TFEC: variants seen among roughly 807,000 people sequenced by gnomAD.
TFEC encodes the protein class E basic helix-loop-helix protein 34.
In TFEC, 31 loss-of-function variants were observed where a neutral mutation model predicts 41.6. That is an observed-to-expected ratio of 0.74 (90% CI 0.56 to 1.01). The LOEUF is 1.01. Ranked by LOEUF, TFEC falls within the 50% of genes least tolerant of loss-of-function variation. The pLI, the probability that TFEC is intolerant of heterozygous loss-of-function variation, is 0.00. For missense variants in TFEC, 402 were observed against 404.1 expected (o/e 0.99, Z 0.04); for synonymous variants, 143 against 140.6 (o/e 1.02, Z -0.12).
At chr7:115,968,428 T>G in intron 3 of TFEC, 1 of 752,410 alleles carries the variant, frequency 1.3e-6, no homozygotes, top group Admixed American at 3.5e-5. Flanking sequence ...CACAGGGGGT[T>G]GTTAATATTT....
intron 3 of TFEC, among the ~76,000 whole-genome samples, chr7:115,972,568 A>G (rs1026393188): frequency 1.3e-5 from 2 of 152,114 alleles, no homozygotes; most frequent in African/African-American, 4.8e-5. Flanking sequence ...TTGTGTGAAT[A>G]TTATGCTTTA....
intron 1 of TFEC, among the ~76,000 whole-genome samples, chr7:116,024,628 A>C (rs772370666): frequency 9.2e-5 from 14 of 152,308 alleles, no homozygotes; most frequent in Admixed American, 6.5e-4. Context: ...AAAGAAGAGG[A>C]GAATATTTCA....
chr7:116,006,588 G>T (rs1318456249), intron 1 of TFEC, among the ~76,000 whole-genome samples: 1 of 152,138 alleles, frequency 6.6e-6, no homozygotes, highest in African/African-American at 2.4e-5. Context: ...TGATTTTACA[G>T]GCTCATAGGC....
At chr7:116,078,541 G>A (rs1797013327) in intron 3 of TFEC, among the ~76,000 whole-genome samples, 1 of 151,874 alleles carries the variant, frequency 6.6e-6, no homozygotes, top group African/African-American at 2.4e-5. Flanking sequence ...GATTATTCAA[G>A]GCTACTATGA....
At chr7:115,998,779 T>A (rs770776941) in intron 1 of TFEC, among the ~76,000 whole-genome samples, 4 of 151,910 alleles carry the variant, frequency 2.6e-5, no homozygotes, top group Non-Finnish European at 4.4e-5. Flanking sequence ...TAAGAAGATA[T>A]AACAATTATA....
At chr7:116,158,450 A>G (rs1359817040) in intron 1 of TFEC, among the ~76,000 whole-genome samples, 5 of 152,146 alleles carry the variant, frequency 3.3e-5, no homozygotes, top group African/African-American at 1.2e-4. Context: ...TCTTCTTGTC[A>G]GCTTTACGTA....
At chr7:115,968,962 G>T (rs1428828196) in intron 3 of TFEC, among the ~76,000 whole-genome samples, 1 of 151,720 alleles carries the variant, frequency 6.6e-6, no homozygotes, top group Non-Finnish European at 1.5e-5. Flanking sequence ...AAAGTATTTT[G>T]CATAATTCTT....
chr7:115,986,409 T>A (rs1793857962), intron 1 of TFEC, among the ~76,000 whole-genome samples: 1 of 152,002 alleles, frequency 6.6e-6, no homozygotes, highest in Non-Finnish European at 1.5e-5. Context: ...GAGAAAGAAG[T>A]GGAATACAGA....
intron 3 of TFEC, among the ~76,000 whole-genome samples, chr7:116,057,627 T>A (rs1288037058): frequency 6.6e-6 from 1 of 151,886 alleles, no homozygotes; most frequent in South Asian, 2.1e-4. Flanking sequence ...TATTTAAGTA[T>A]CTCTAAAAGA....
intron 1 of TFEC, among the ~76,000 whole-genome samples, chr7:116,011,831 TA>T (rs1323644205): frequency 3.3e-5 from 5 of 152,222 alleles, no homozygotes; most frequent in African/African-American, 1.2e-4. Flanking sequence ...GCTAGTTGTT[TA>T]AAAGAGCTTG....
upstream of TFEC, among the ~76,000 whole-genome samples, chr7:116,033,288 T>C (rs772320093): frequency 2.6e-5 from 4 of 152,078 alleles, no homozygotes; most frequent in Non-Finnish European, 4.4e-5. Flanking sequence ...TCAGACTGAT[T>C]TGGTCTCAAC....
chr7:116,089,466 C>T (rs943033452), intron 3 of TFEC, among the ~76,000 whole-genome samples: 1 of 151,942 alleles, frequency 6.6e-6, no homozygotes, highest in East Asian at 1.9e-4. Context: ...TTGTATTGGC[C>T]GGAACAAGAG....
Position 115,984,157 on chromosome 7 carries a change from C to T in TFEC, c.180+105G>A, listed in dbSNP as rs73716895. 3.6e-3 allele frequency: 4,980 copies of T among 1,372,626 alleles called. 169 individuals carry two copies. In the African/African-American group the frequency reaches 0.065, roughly 18 times the overall value. 85.0% of individuals were successfully genotyped at this position (1,372,626 alleles called of 1,614,324 possible). ...AATTAAAAGCACATTTCTTTTGTTA[C>T]ATTTGCAATCAGAATGTTTACTGTA... On this transcript the variant is annotated intron_variant, in intron 2 of 7. Transcript: ENST00000265440.
chr7:115,944,161 A>G (rs564383622), intron 6 of TFEC, among the ~76,000 whole-genome samples: 2 of 150,632 alleles, frequency 1.3e-5, no homozygotes, highest in Non-Finnish European at 3.0e-5. Flanking sequence ...AAGATTAAGT[A>G]AAAAAACTTC....
intron 3 of TFEC, among the ~76,000 whole-genome samples, chr7:116,085,150 T>C (rs1797174970): frequency 6.6e-6 from 1 of 151,830 alleles, no homozygotes; most frequent in Admixed American, 6.6e-5. Context: ...CTTGCTGGGC[T>C]TGAGGAGCTG....
intron 2 of TFEC, among the ~76,000 whole-genome samples, chr7:115,980,002 T>C (rs1281205859): frequency 1.3e-5 from 2 of 152,182 alleles, no homozygotes; most frequent in Non-Finnish European, 2.9e-5. Flanking sequence ...GCTTTGATTA[T>C]GATACTTTTG....
chr7:116,103,466 G>A (rs1797648426), intron 3 of TFEC, among the ~76,000 whole-genome samples: 1 of 152,150 alleles, frequency 6.6e-6, no homozygotes, highest in African/African-American at 2.4e-5. Flanking sequence ...AAGATGGGTA[G>A]CTGTTCAATC....
chr7:115,971,638 A>G (rs1039020316), intron 3 of TFEC, among the ~76,000 whole-genome samples: 2 of 152,052 alleles, frequency 1.3e-5, no homozygotes, highest in Non-Finnish European at 2.9e-5. Flanking sequence ...ATTGCAGCAC[A>G]AGCCCATTCT....
intron 3 of TFEC, among the ~76,000 whole-genome samples, chr7:116,091,933 C>A (rs1011211631): frequency 6.6e-6 from 1 of 152,000 alleles, no homozygotes; most frequent in South Asian, 2.1e-4. Context: ...ACTAAAATGG[C>A]CAAACTGAAT....
Sources: gnomAD v4.1 joint callset for allele counts (sites outside exome capture counted in the v4.1 genomes callset) on GRCh38, gnomAD v4.1.1 for gene constraint, MANE v1.5 for transcripts, NCBI Gene and HGNC (gene_info 2026-07-23, HGNC 2026-07-21) for gene names.